Variants in PER2 observed in about 807,000 individuals in gnomAD.
PER2 encodes period circadian protein homolog 2.
In PER2, 66 loss-of-function variants were observed where a neutral mutation model predicts 121.0. That is an observed-to-expected ratio of 0.55 (90% CI 0.45 to 0.67). PER2 has a LOEUF of 0.67. Ranked by LOEUF, PER2 falls within the 30% of genes least tolerant of loss-of-function variation. The probability of loss-of-function intolerance (pLI) is 0.00; values close to 1 mark genes in which losing one functional copy is unlikely to be tolerated. For missense variants in PER2, 1,521 were observed against 1,635.0 expected (o/e 0.93, Z 1.20); for synonymous variants, 684 against 659.9 (o/e 1.04, Z -0.56).
chr2:238,259,811 C>G (rs1419729749), intron 14 of PER2, among the ~76,000 whole-genome samples, 158 bp downstream of exon 14: 1 of 152,220 alleles, frequency 6.6e-6, no homozygotes, highest in Non-Finnish European at 1.5e-5. Flanking sequence ...GCTCTCGCCT[C>G]TTGGAAGCTG....
rs1386982461 is a variant in PER2, at chr2:238,252,188, G to C, written c.3112-427C>G. Among the ~76,000 whole-genome samples, 3 of 152,136 alleles carry C rather than the reference G, an allele frequency of 2.0e-5. No homozygotes were observed. The highest frequency in any genetic ancestry group is 4.4e-5 in the Non-Finnish European group (3 of 68,028). On this transcript the variant is annotated intron_variant, in intron 19 of 22. Transcript: ENST00000254657. The surrounding 1 kb of genome is among the most constrained non-coding windows in gnomAD (Gnocchi z 4.2). ...AGCATCCCTGACCCTCCTCTCCTTG[G>C]AAACCCAGACTGCAGGCCCAGGACT...
chr2:238,273,723 T>A (rs938476873), intron 4 of PER2, among the ~76,000 whole-genome samples: 2 of 152,122 alleles, frequency 1.3e-5, no homozygotes, highest in African/African-American at 2.4e-5. Flanking sequence ...TGGAGTGCAG[T>A]GGCACGATCT....
intron 22 of PER2, 29 bp downstream of exon 22, chr2:238,249,032 CA>C: frequency 6.2e-7 from 1 of 1,610,284 alleles, no homozygotes; most frequent in Non-Finnish European, 8.5e-7. Flanking sequence ...CTTTTAGGGC[CA>C]TATCAGAAAT....
At chr2:238,282,888 C>G (rs577000267) in intron 1 of PER2, among the ~76,000 whole-genome samples, 1 of 152,224 alleles carries the variant, frequency 6.6e-6, no homozygotes, top group Non-Finnish European at 1.5e-5. Context: ...ACCTTGCGCA[C>G]GAGCCCTCGT....
At chr2:238,279,349 G>A (rs79065998) in intron 1 of PER2, among the ~76,000 whole-genome samples, 18,087 of 152,218 alleles carry the variant, frequency 0.12, 1,388 homozygotes, top group Admixed American at 0.18. Context: ...TCTGGATCAC[G>A]GTCTACATGG....
upstream of PER2, among the ~76,000 whole-genome samples, chr2:238,293,183 G>C (rs747751791): frequency 1.7e-4 from 26 of 151,374 alleles, no homozygotes; most frequent in Middle Eastern, 3.4e-3. Context: ...CCATAGCTTT[G>C]TCTCTGCTAT....
chr2:238,291,753 G>C (rs928970397), upstream of PER2, among the ~76,000 whole-genome samples: 5 of 152,200 alleles, frequency 3.3e-5, no homozygotes, highest in Admixed American at 3.3e-4. Flanking sequence ...CTGGCAGGGA[G>C]ACCCTCAGCC....
intron 16 of PER2, among the ~76,000 whole-genome samples, chr2:238,257,384 C>G (rs1464415104): frequency 6.6e-6 from 1 of 152,238 alleles, no homozygotes; most frequent in African/African-American, 2.4e-5. Context: ...GTGAGGGGCT[C>G]TTGCCTGCAG....
chr2:238,260,756 T>C (rs1243239129), intron 13 of PER2, 72 bp downstream of exon 13: 1 of 1,569,350 alleles, frequency 6.4e-7, no homozygotes, highest in East Asian at 2.2e-5. Flanking sequence ...AAAGGTTGTC[T>C]TGAGTGTGCT....
intron 21 of PER2, among the ~76,000 whole-genome samples, chr2:238,250,108 G>A (rs966711440): frequency 5.9e-5 from 9 of 152,224 alleles, no homozygotes; most frequent in South Asian, 2.1e-4. Flanking sequence ...ACAGAGCCCC[G>A]GGTCACTGCA....
intron 3 of PER2, among the ~76,000 whole-genome samples, chr2:238,276,369 C>G (rs371706701): frequency 6.6e-6 from 1 of 152,252 alleles, no homozygotes; most frequent in Admixed American, 6.5e-5. Flanking sequence ...TCTAACCCAA[C>G]TGAATGCTGG....
Position 238,252,986 on chromosome 2 carries a change from T to G in PER2, c.3037A>C (p.Thr1013Pro), listed in dbSNP as rs889285985. ...GTGAMGTTGA[T>P]ETAAVGADCK... ...TCCGCCCCTACAGCTGCTGTCTCTG[T>G]GGCCCCTGTGGTCCCCATGGCTCCA... The change falls in exon 19 of 23, where the codon ACA (threonine) becomes CCA (proline). Residue 1013 changes from threonine to proline, a missense_variant. Physicochemically the swap from Thr to Pro is conservative, Grantham distance 38. Transcript: ENST00000254657. The surrounding 1 kb of genome is among the most constrained non-coding windows in gnomAD (Gnocchi z 4.2). 1.2e-6 allele frequency: 2 copies of G among 1,613,914 alleles called. No individual in the cohort carries two copies. The highest frequency in any genetic ancestry group is 2.7e-5 in the African/African-American group (2 of 74,940).
At chr2:238,296,992 T>C in the PER2 span, among the ~76,000 whole-genome samples, 719 of 152,308 alleles carry the variant, frequency 4.7e-3, 6 homozygotes, top group African/African-American at 0.016. Context: ...CTCTGGGCAC[T>C]GCCGGGCTGG....
chr2:238,245,442 C>A lies in PER2; in HGVS notation c.*933G>T, dbSNP rs984622588. 330 of 397,032 alleles carry A rather than the reference C, an allele frequency of 8.3e-4. 5 individuals are homozygous for A. The highest frequency in any genetic ancestry group is 3.5e-4 in the Admixed American group (8 of 22,668). The allele number at this position is 397,032 out of a possible 1,614,324, so 24.6% of individuals were successfully genotyped here. ...CAGACTGAGTGGCAGTGGCTGCTCTCGGCCAGGAGATGTGATGTGGGCTTG... is the reference window on the plus strand; with the variant it reads ...CAGACTGAGTGGCAGTGGCTGCTCTAGGCCAGGAGATGTGATGTGGGCTTG... On this transcript the variant is annotated 3_prime_UTR_variant, in exon 23 of 23. Coordinates refer to ENST00000254657, the MANE Select transcript of PER2 (RefSeq NM_022817.3).
intron 1 of PER2, among the ~76,000 whole-genome samples, chr2:238,278,729 G>A (rs566877331): frequency 6.6e-6 from 1 of 152,164 alleles, no homozygotes; most frequent in Non-Finnish European, 1.5e-5. Context: ...GGACAGACAG[G>A]GCTTGCCGGG....
Position 238,275,231 on chromosome 2 carries a change from G to A in PER2, c.448+512C>T, listed in dbSNP as rs773360519. Among the ~76,000 whole-genome samples, 15 of 152,158 alleles carry A rather than the reference G, an allele frequency of 9.9e-5. No homozygotes were observed. The East Asian group carries it at 1.3e-3, about 14-fold the overall frequency. ...CATGAAAAGGCACAGCTCCACAGTC[G>A]GGAGGTGCTCACACACCAACTGGCA... On this transcript the variant is annotated intron_variant, in intron 4 of 22. Transcript: ENST00000254657.
rs1192767522 is a variant in PER2 at position 238,244,176 on chromosome 2, C to T, written c.*2199G>A. ...GCACACAAACAAACCACTTGTCCAG[C>T]AAGGCTCAACAAATCATCACAGAAA... On this transcript the variant is annotated 3_prime_UTR_variant, in exon 23 of 23. Coordinates refer to ENST00000254657, the MANE Select transcript of PER2 (RefSeq NM_022817.3). 6.6e-6 allele frequency: 1 copy of T among 152,556 alleles called. No homozygotes were observed. The highest frequency in any genetic ancestry group is 2.4e-5 in the African/African-American group (1 of 41,446). 9.5% of individuals were successfully genotyped at this position (152,556 alleles called of 1,614,324 possible).
chr2:238,256,494 A>G (rs1420927738), intron 17 of PER2, among the ~76,000 whole-genome samples: 4 of 152,210 alleles, frequency 2.6e-5, no homozygotes. Context: ...CTCATTGTAA[A>G]TCTGTTTACC....
Position 238,277,774 on chromosome 2 carries a change from C to A in PER2, c.163G>T (p.Gly55Cys). The change falls in exon 2 of 23, where the codon GGC becomes TGC. Residue 55 changes from glycine (G) to cysteine (C), a missense_variant. Coordinates refer to ENST00000254657, the MANE Select transcript of PER2 (RefSeq NM_022817.3). ...TTCCCACTGTCGTCACAGTCACTGCCCTGCGAGTCCCGCCCCGTGGAGCAG... is the reference window on the plus strand; with the variant it reads ...TTCCCACTGTCGTCACAGTCACTGCACTGCGAGTCCCGCCCCGTGGAGCAG... Reference protein sequence around the residue: ...ENCSTGRDSQGSDCDDSGKEL... With the variant: ...ENCSTGRDSQCSDCDDSGKEL... 6.2e-7 allele frequency: 1 copy of A among 1,614,218 alleles called. No individual in the cohort carries two copies. Among genetic ancestry groups the A allele is most frequent in the Non-Finnish European group, 8.5e-7 (1 of 1,180,038 alleles).
Sources: gnomAD v4.1 joint callset for allele counts (sites outside exome capture counted in the v4.1 genomes callset) on GRCh38, gnomAD v4.1.1 for gene constraint, Gnocchi (gnomAD v3.1) non-coding constraint, MANE v1.5 for transcripts, NCBI Gene and HGNC (gene_info 2026-07-23, HGNC 2026-07-21) for gene names.